The following ABI3 variants were observed in gnomAD, a reference collection of about 807,000 sequenced individuals.
ABI3 encodes the protein ABI family member 3.
A neutral mutation model predicts 37.0 loss-of-function variants in ABI3; 24 were observed. The ratio of observed to expected loss-of-function variants is 0.65; its 90% CI spans 0.47 to 0.91. The LOEUF (loss-of-function observed/expected upper bound fraction) is 0.91. Among genes scored for constraint, ABI3 ranks in the 40% least tolerant of loss-of-function variants. ABI3 has a pLI of 0.00. For synonymous variants in ABI3, 220 were observed against 211.8 expected, an observed-to-expected ratio of 1.04 and a Z score of -0.34; for missense variants, 481 against 485.1, an observed-to-expected ratio of 0.99 and a Z score of 0.08.
Position 49,220,327 on chromosome 17 carries a change from G to A in ABI3, c.802+1G>A. 1 of 1,578,708 alleles carries A rather than the reference G, an allele frequency of 6.3e-7. No homozygotes were observed. Among genetic ancestry groups the A allele is most frequent in the Non-Finnish European group, 8.6e-7 (1 of 1,162,354 alleles). On this transcript the variant is annotated splice_donor_variant, in intron 6 of 7. Transcript: ENST00000225941. LOFTEE classifies it high-confidence loss of function. ...GAGGAGTTGTCCCCACCCCCACCGG[G>A]TAAGGAGGTCCACCCTCTTCTTCCC... is the stretch of plus-strand genomic sequence containing the variant.
At chr17:49,214,028 G>A (rs1026988200) in intron 1 of ABI3, among the ~76,000 whole-genome samples, 9 of 152,240 alleles carry the variant, frequency 5.9e-5, no homozygotes, top group African/African-American at 2.2e-4. Context: ...ACATGCAAAT[G>A]AGCATCTCTT....
At chr17:49,221,245 C>T (rs949742063) in intron 6 of ABI3, among the ~76,000 whole-genome samples, 5 of 151,068 alleles carry the variant, frequency 3.3e-5, no homozygotes, top group Admixed American at 1.3e-4. Context: ...CTGAGGTGGG[C>T]GGATCACGAG....
In ABI3 at chr17:49,220,325, G is replaced by A. The variant is rs755541670; in HGVS notation, c.801G>A (p.Pro267=). ...PTLEELSPPP[P]DEELPLPLDL... is the part of the protein sequence containing the mutation. ...TGGAGGAGTTGTCCCCACCCCCACC[G>A]GGTAAGGAGGTCCACCCTCTTCTTC... Residue 267 remains proline (P), a splice_region_variant and synonymous_variant, in exon 6 of 8, where the codon CCG becomes CCA. Transcript: ENST00000225941. The A allele has an allele frequency of 1.3e-5, 21 of 1,579,156 alleles. No individual in the cohort carries two copies. The South Asian group carries it at 2.2e-4, about 16-fold the overall frequency.
intron 6 of ABI3, among the ~76,000 whole-genome samples, chr17:49,220,739 G>A (rs12103669): frequency 0.082 from 12,400 of 151,846 alleles, 1,188 homozygotes; most frequent in African/African-American, 0.23. Flanking sequence ...AGCTACTCGG[G>A]AGGCTGAGGC....
chr17:49,222,025 C>T lies in ABI3; in HGVS notation c.803-66C>T, dbSNP rs758226128. 8.8e-6 allele frequency: 13 copies of T among 1,476,910 alleles called. No homozygotes were observed. The South Asian group carries it at 1.4e-4, about 16-fold the overall frequency. 91.5% of individuals were successfully genotyped at this position (1,476,910 alleles called of 1,614,324 possible). ...TGGATTCTGGGGTCCAGCTCTTGAG[C>T]AGTTCCCTGACACACTGAAGGAGCT... is the stretch of plus-strand genomic sequence containing the variant. On this transcript the variant is annotated intron_variant, in intron 6 of 7. Transcript: ENST00000225941.
chr17:49,222,760 T>G lies in ABI3; in HGVS notation c.*45T>G, dbSNP rs982533756. ...CAGCTGATGTCTGCACTGAGTGGGT[T>G]TCATGAGCCCCAAGCCAAAACCAGC... On this transcript the variant is annotated 3_prime_UTR_variant, in exon 8 of 8. Coordinates refer to ENST00000225941, the MANE Select transcript of ABI3 (RefSeq NM_016428.3). The G allele has an allele frequency of 6.6e-7, 1 of 1,524,902 alleles. No homozygotes were observed. The highest frequency in any genetic ancestry group is 8.8e-7 in the Non-Finnish European group (1 of 1,135,294). The allele number at this position is 1,524,902 out of a possible 1,614,324, so 94.5% of individuals were successfully genotyped here. A position where few individuals can be genotyped will look rare whatever the true frequency, so the allele number is the denominator to read the frequency against.
chr17:49,212,239 C>T (rs919502120), intron 1 of ABI3, among the ~76,000 whole-genome samples: 1 of 152,194 alleles, frequency 6.6e-6, no homozygotes, highest in African/African-American at 2.4e-5. Flanking sequence ...CAGGCATAAG[C>T]CACCACATTT....
Position 49,210,793 on chromosome 17 carries a change from C to T in ABI3, c.69C>T (p.His23=), listed in dbSNP as rs2043157182. 2 of 1,556,108 alleles carry T rather than the reference C, an allele frequency of 1.3e-6. No individual in the cohort carries two copies. The highest frequency in any genetic ancestry group is 1.7e-4 in the Middle Eastern group (1 of 6,000). ...GCCGGGAGGCTCTGAGGGGCAACCA[C>T]AGTGCCCTGCTGCGGGTCGCTGACT... ...PTGREALRGN[H]SALLRVADYC... is the part of the protein sequence containing the mutation. The change falls in exon 1 of 8, where the codon CAC becomes CAT. Residue 23 remains histidine, a synonymous_variant. Transcript: ENST00000225941. This position sits in a 1 kb window ranked among gnomAD's most constrained non-coding sequence, Gnocchi z 4.2.
In ABI3 at chr17:49,216,665, G is replaced by A; in HGVS notation, c.252G>A (p.Arg84=). Residue 84 remains arginine (R), a synonymous_variant, in exon 2 of 8, where the codon CGG becomes CGA. Transcript: ENST00000225941. ...TGGACCTGCAGGGGGCCGCCCTGCGGCAGGTGGAAGCCCGTGTAAGCACGC... is the reference window on the plus strand; with the variant it reads ...TGGACCTGCAGGGGGCCGCCCTGCGACAGGTGGAAGCCCGTGTAAGCACGC... ...RMLDLQGAAL[R]QVEARVSTLG... is the part of the protein sequence containing the mutation. 1 of 1,602,534 alleles carries A rather than the reference G, an allele frequency of 6.2e-7. No individual in the cohort carries two copies. Among genetic ancestry groups the A allele is most frequent in the East Asian group, 2.3e-5 (1 of 44,046 alleles).
chr17:49,215,439 A>T (rs1193554871), intron 1 of ABI3, among the ~76,000 whole-genome samples: 1 of 151,894 alleles, frequency 6.6e-6, no homozygotes, highest in Admixed American at 6.6e-5. Flanking sequence ...CAGTTTCCTT[A>T]TTTGAGTTCC....
At chr17:49,214,311 A>G (rs2043199275) in intron 1 of ABI3, among the ~76,000 whole-genome samples, 1 of 152,188 alleles carries the variant, frequency 6.6e-6, no homozygotes, top group African/African-American at 2.4e-5. Context: ...AGGCTAGAGT[A>G]TGGCAACTCC....
chr17:49,217,658 G>A (rs1211155901), intron 2 of ABI3, 81 bp from the exon 3 acceptor site: 1 of 1,386,428 alleles, frequency 7.2e-7, no homozygotes, highest in Admixed American at 2.6e-5. Context: ...CCCCAGCCCA[G>A]TCTTTATCTT....
intron 2 of ABI3, 111 bp from the exon 3 acceptor site, chr17:49,217,628 T>C: frequency 9.9e-6 from 10 of 1,010,730 alleles, no homozygotes; most frequent in Non-Finnish European, 1.4e-5. Context: ...CCTCTTTTTC[T>C]AGACCTGGCT....
Position 49,210,870 on chromosome 17 carries a change from C to T in ABI3, c.117+29C>T, listed in dbSNP as rs1026938590. The T allele has an allele frequency of 1.7e-5, 26 of 1,526,514 alleles. No individual in the cohort carries two copies. In the African/African-American group the frequency reaches 3.3e-4, roughly 19 times the overall value. 94.6% of individuals were successfully genotyped at this position (1,526,514 alleles called of 1,614,324 possible). On this transcript the variant is annotated intron_variant, in intron 1 of 7. Transcript: ENST00000225941. The surrounding 1 kb of genome is among the most constrained non-coding windows in gnomAD (Gnocchi z 4.2). ...GGTAGAGCGGGCGGAAGCCTGACAC[C>T]CCAGCCCCCGGAGGGGGGACCCTGA...
In ABI3 at chr17:49,210,790, C is replaced by A. The variant is rs376299895; in HGVS notation, c.66C>A (p.Asn22Lys). The A allele has an allele frequency of 1.3e-6, 2 of 1,556,104 alleles. No homozygotes were observed. Among genetic ancestry groups the A allele is most frequent in the East Asian group, 2.4e-5 (1 of 41,280 alleles). The change falls in exon 1 of 8, where the codon AAC becomes AAA. Residue 22 changes from asparagine to lysine, a missense_variant. Asn to Lys is a moderately conservative substitution (Grantham distance 94). Coordinates refer to ENST00000225941, the MANE Select transcript of ABI3 (RefSeq NM_016428.3). The surrounding 1 kb of genome is among the most constrained non-coding windows in gnomAD (Gnocchi z 4.2). Reference protein sequence around the residue: ...IPTGREALRGNHSALLRVADY... With the variant: ...IPTGREALRGKHSALLRVADY... ...CTGGCCGGGAGGCTCTGAGGGGCAACCACAGTGCCCTGCTGCGGGTCGCTG... is the reference window on the plus strand; with the variant it reads ...CTGGCCGGGAGGCTCTGAGGGGCAAACACAGTGCCCTGCTGCGGGTCGCTG...
Position 49,216,594 on chromosome 17 carries a change from G to A in ABI3, c.181G>A (p.Val61Met), listed in dbSNP as rs563435696. Residue 61 changes from valine (V) to methionine (M), a missense_variant, in exon 2 of 8, where the codon GTG (valine) becomes ATG (methionine). Physicochemically the swap from Val to Met is conservative, Grantham distance 21. Transcript: ENST00000225941. ...CTTCACTACCCAGGCACTGGCCAGC[G>A]TGGCCTACCAGGTGGGCAACCTGGC... ...MAFTTQALASVAYQVGNLAGH... is the reference protein window; with the variant it reads ...MAFTTQALASMAYQVGNLAGH... The A allele has an allele frequency of 9.9e-6, 16 of 1,611,100 alleles. No homozygotes were observed. Among genetic ancestry groups the A allele is most frequent in the East Asian group, 8.9e-5 (4 of 44,694 alleles).
At chr17:49,216,431 C>A in intron 1 of ABI3, 100 bp from the exon 2 acceptor site, 2 of 1,209,184 alleles carry the variant, frequency 1.7e-6, no homozygotes, top group African/African-American at 1.6e-5. Context: ...CTCTCCCAAT[C>A]CAGCCCCTAC....
rs1469760982 is a variant in ABI3, at chr17:49,210,802, G to C, written c.78G>C (p.Leu26=). 9.0e-6 allele frequency: 14 copies of C among 1,555,632 alleles called. No individual in the cohort carries two copies. The highest frequency in any genetic ancestry group is 1.2e-5 in the Non-Finnish European group (14 of 1,148,990). The change falls in exon 1 of 8, where the codon CTG becomes CTC. Residue 26 remains leucine (L), a synonymous_variant. Transcript: ENST00000225941. This position sits in a 1 kb window ranked among gnomAD's most constrained non-coding sequence, Gnocchi z 4.2. ...REALRGNHSA[L]LRVADYCEDN... ...CTCTGAGGGGCAACCACAGTGCCCTGCTGCGGGTCGCTGACTACTGCGAGG... is the reference window on the plus strand; with the variant it reads ...CTCTGAGGGGCAACCACAGTGCCCTCCTGCGGGTCGCTGACTACTGCGAGG...
In ABI3 at chr17:49,222,775, C is replaced by A; in HGVS notation, c.*60C>A. On this transcript the variant is annotated 3_prime_UTR_variant, in exon 8 of 8. Coordinates refer to ENST00000225941, the MANE Select transcript of ABI3 (RefSeq NM_016428.3). Reference sequence around the variant, plus strand: ...CTGAGTGGGTTTCATGAGCCCCAAGCCAAAACCAGCTCCAGTCACAGCTGG... The same window carrying A: ...CTGAGTGGGTTTCATGAGCCCCAAGACAAAACCAGCTCCAGTCACAGCTGG... 2.0e-6 allele frequency: 3 copies of A among 1,500,818 alleles called. No homozygotes were observed. The South Asian group carries it at 3.7e-5, about 18-fold the overall frequency. 93.0% of individuals were successfully genotyped at this position (1,500,818 alleles called of 1,614,324 possible).
Sources: allele counts gnomAD v4.1 joint callset (sites outside exome capture counted in the v4.1 genomes callset), GRCh38; gene constraint gnomAD v4.1.1; non-coding constraint Gnocchi (gnomAD v3.1); transcripts MANE v1.5; gene names NCBI Gene and HGNC (gene_info 2026-07-23, HGNC 2026-07-21).